PLRG1: variants seen among roughly 807,000 people sequenced by gnomAD.
PLRG1 encodes pleiotropic regulator 1, also known as pleiotropic regulator 1 (PRL1 homolog, Arabidopsis).
Under a neutral mutation model 74.9 loss-of-function variants are expected in PLRG1, and 28 were observed. That is an observed-to-expected ratio of 0.37 (90% CI 0.28 to 0.51). PLRG1 has a LOEUF of 0.51. PLRG1 is among the 20% of genes least tolerant of loss of function. The probability of loss-of-function intolerance (pLI) is 0.91; values close to 1 mark genes in which losing one functional copy is unlikely to be tolerated. For synonymous variants in PLRG1, 197 were observed against 212.4 expected (o/e 0.93, Z 0.63); for missense variants, 445 against 631.9 (o/e 0.70, Z 3.17).
intron 3 of PLRG1, chr4:154,547,359 T>A: frequency 7.7e-6 from 4 of 520,392 alleles, no homozygotes; most frequent in Non-Finnish European, 1.4e-5. Context: ...GAATTCTCTT[T>A]ACTTATTAAG....
rs1196967371 is a variant in PLRG1 at position 154,547,634 on chromosome 4, G to C, written c.259+77C>G. On this transcript the variant is annotated intron_variant, in intron 3 of 14. Transcript: ENST00000499023. ...ACCACAATAAGTCCTGCCAGGAGGGGCAAAAATAACATATTTTATTTTTCT... is the reference window on the plus strand; with the variant it reads ...ACCACAATAAGTCCTGCCAGGAGGGCCAAAAATAACATATTTTATTTTTCT... The C allele has an allele frequency of 5.9e-6, 8 of 1,351,764 alleles. No homozygotes were observed. In the Admixed American group the frequency reaches 1.4e-4, roughly 23 times the overall value. The allele number at this position is 1,351,764 out of a possible 1,614,324, so 83.7% of individuals were successfully genotyped here.
intron 6 of PLRG1, among the ~76,000 whole-genome samples, chr4:154,544,844 G>A (rs1023804689): frequency 6.6e-6 from 1 of 152,142 alleles, no homozygotes; most frequent in African/African-American, 2.4e-5. Context: ...TGTAAAATGG[G>A]AAGAATAGTG....
rs1227380248 is a variant in PLRG1, at chr4:154,535,828, T to A, written c.*857A>T. ...CCAAGTTTCAATACCAGTATTGGTA[T>A]CCTACTAGTTGAGGAATAAAATCCA... On this transcript the variant is annotated 3_prime_UTR_variant, in exon 15 of 15. Transcript: ENST00000499023. 6.6e-6 allele frequency: 1 copy of A among 152,116 alleles called. No individual in the cohort carries two copies. Among genetic ancestry groups the A allele is most frequent in the African/African-American group, 2.4e-5 (1 of 41,436 alleles). The allele number at this position is 152,116 out of a possible 1,614,324, so 9.4% of individuals were successfully genotyped here.
intron 8 of PLRG1, 41 bp from the exon 9 acceptor site, chr4:154,540,975 C>G (rs1729546098): frequency 6.8e-7 from 1 of 1,463,786 alleles, no homozygotes; most frequent in African/African-American, 1.4e-5. Flanking sequence ...TCACTGGTTA[C>G]TGCAAAACAA....
At chr4:154,542,686 G>A (rs1000320440) in intron 7 of PLRG1, among the ~76,000 whole-genome samples, 1 of 152,094 alleles carries the variant, frequency 6.6e-6, no homozygotes, top group African/African-American at 2.4e-5. Flanking sequence ...ACACACAATG[G>A]AATACTATTC....
Position 154,540,826 on chromosome 4 carries a change from C to T in PLRG1, c.796G>A (p.Glu266Lys). ...TRSPYLFSCG[E>K]DKQVKCWDLE... ...TCCCAGCATTTCACTTGTTTGTCTT[C>T]TCCACAAGAGAACAGATATGGGCTC... The change falls in exon 9 of 15, where the codon GAA becomes AAA. Residue 266 changes from glutamate to lysine, a missense_variant. Around this residue, in one of 3 missense-constraint regions of PLRG1, gnomAD observed 221 missense variants for 377.7 expected, o/e 0.59. Transcript: ENST00000499023. 1 of 1,613,730 alleles carries T rather than the reference C, an allele frequency of 6.2e-7. No homozygotes were observed. The highest frequency in any genetic ancestry group is 8.5e-7 in the Non-Finnish European group (1 of 1,179,676).
chr4:154,549,856 T>C (rs1729726700), intron 1 of PLRG1: 1 of 438,382 alleles, frequency 2.3e-6, no homozygotes, highest in Non-Finnish European at 4.6e-6. Context: ...CGTTGGCTGT[T>C]CATGCCAGGG....
Position 154,548,911 on chromosome 4 carries a change from T to C in PLRG1, c.34A>G (p.Thr12Ala). ...VEEVQKHSVH[T>A]LVFRSLKRTH... is the part of the protein sequence containing the mutation. ...CTCTTCAACGACCTGAACACAAGGGTGTGTACAGAATGTTTCTGTACCTCC... is the reference window on the plus strand; with the variant it reads ...CTCTTCAACGACCTGAACACAAGGGCGTGTACAGAATGTTTCTGTACCTCC... Residue 12 changes from threonine to alanine, a missense_variant, in exon 2 of 15, where the codon ACC becomes GCC. Transcript: ENST00000499023. The C allele has an allele frequency of 6.2e-7, 1 of 1,606,102 alleles. No individual in the cohort carries two copies. Among genetic ancestry groups the C allele is most frequent in the Non-Finnish European group, 8.5e-7 (1 of 1,172,860 alleles).
chr4:154,539,519 A>G (rs538472308), intron 11 of PLRG1, among the ~76,000 whole-genome samples: 1 of 152,080 alleles, frequency 6.6e-6, no homozygotes, highest in Non-Finnish European at 1.5e-5. Flanking sequence ...TTTTTAAGTT[A>G]ATAAAATACA....
Position 154,540,873 on chromosome 4 carries a change from C to T in PLRG1, c.749G>A (p.Arg250Gln), listed in dbSNP as rs776693518. ...GCTCCTTGTGCTTACTATCACGCCC[C>T]GCACAGTACTAATATGCCCAGTCAA... The part of the protein sequence containing the change: ...LSLTGHISTV[R>Q]GVIVSTRSPY... The change falls in exon 9 of 15, where the codon CGG (arginine) becomes CAG (glutamine). Residue 250 changes from arginine (R) to glutamine (Q), a missense_variant. Physicochemically the swap from Arg to Gln is conservative, Grantham distance 43 (BLOSUM62 1). This residue lies in a region of PLRG1 where 221 missense variants were observed against 377.7 expected (regional missense o/e 0.59). Transcript: ENST00000499023. 1.9e-6 allele frequency: 3 copies of T among 1,612,952 alleles called. No homozygotes were observed. The highest frequency in any genetic ancestry group is 2.5e-6 in the Non-Finnish European group (3 of 1,178,998).
intron 4 of PLRG1, 194 bp downstream of exon 4, chr4:154,546,817 A>C: frequency 1.7e-6 from 1 of 573,800 alleles, no homozygotes; most frequent in Non-Finnish European, 3.2e-6. Flanking sequence ...TTGCCTGAAA[A>C]ATTATACGTA....
At chr4:154,547,894 C>T (rs944150536) in intron 2 of PLRG1, 41 bp from the exon 3 acceptor site, 3 of 1,448,180 alleles carry the variant, frequency 2.1e-6, no homozygotes, top group East Asian at 2.3e-5. Context: ...TCCATAAATA[C>T]TTTAAAACAA....
chr4:154,537,237 C>T, intron 14 of PLRG1, 49 bp downstream of exon 14: 5 of 1,209,524 alleles, frequency 4.1e-6, no homozygotes, highest in Non-Finnish European at 5.9e-6. Context: ...AATATGCTGC[C>T]AAATTGGTAT....
intron 4 of PLRG1, among the ~76,000 whole-genome samples, 159 bp from the exon 5 acceptor site, chr4:154,546,372 A>G (rs755921470): frequency 2.0e-5 from 3 of 152,184 alleles, no homozygotes; most frequent in Non-Finnish European, 4.4e-5. Context: ...TTTGTTTTTA[A>G]TTTCTACAAT....
In PLRG1 at chr4:154,537,302, C is replaced by G; in HGVS notation, c.1469G>C (p.Arg490Thr). 1 of 1,611,872 alleles carries G rather than the reference C, an allele frequency of 6.2e-7. No individual in the cohort carries two copies. Among genetic ancestry groups the G allele is most frequent in the Non-Finnish European group, 8.5e-7 (1 of 1,178,452 alleles). ...AEADKTIKVY[R>T]EDDTATEETH... Reference sequence around the variant, plus strand: ...AGAACTTACGGCTGTGTCATCCTCTCTGTATACTTTAATGGTTTTATCAGC... The same window carrying G: ...AGAACTTACGGCTGTGTCATCCTCTGTGTATACTTTAATGGTTTTATCAGC... Residue 490 changes from arginine to threonine, a missense_variant, in exon 14 of 15, where the codon AGA (arginine) becomes ACA (threonine). Transcript: ENST00000499023.
chr4:154,545,962 C>T (rs1173374928), intron 5 of PLRG1, 39 bp from the exon 6 acceptor site: 5 of 1,349,944 alleles, frequency 3.7e-6, no homozygotes, highest in East Asian at 4.7e-5. Flanking sequence ...GTAATTAATG[C>T]CTCCAGTCAT....
chr4:154,547,575 T>C (rs1729681033), intron 3 of PLRG1, 136 bp downstream of exon 3: 2 of 738,544 alleles, frequency 2.7e-6, no homozygotes, highest in Admixed American at 2.7e-5. Context: ...AAAACTTCCA[T>C]TATAATACAG....
rs1000809974 is a variant in PLRG1 at position 154,535,019 on chromosome 4, CTTTAT to C, written c.*1661_*1665del. The C allele has an allele frequency of 5.3e-5, 8 of 151,948 alleles. No homozygotes were observed. The highest frequency in any genetic ancestry group is 2.1e-4 in the South Asian group (1 of 4,802). The allele number at this position is 151,948 out of a possible 1,614,324, so 9.4% of individuals were successfully genotyped here. ...GAATGCAAGTGTAGTGTTCTTTTTT[CTTTAT>C]TTAAGTTTACGAAATACATGCTTAT... On this transcript the variant is annotated 3_prime_UTR_variant, in exon 15 of 15. Coordinates refer to ENST00000499023, the MANE Select transcript of PLRG1 (RefSeq NM_002669.4).
chr4:154,543,700 A>G (rs1406477448), intron 7 of PLRG1, among the ~76,000 whole-genome samples: 2 of 152,242 alleles, frequency 1.3e-5, no homozygotes, highest in Middle Eastern at 3.2e-3. Context: ...ACCCAAATCA[A>G]TACATCTATT....
Sources: allele counts gnomAD v4.1 joint callset (sites outside exome capture counted in the v4.1 genomes callset), GRCh38; gene constraint gnomAD v4.1.1; regional missense constraint gnomAD v4.1.1; transcripts MANE v1.5; gene names NCBI Gene and HGNC (gene_info 2026-07-23, HGNC 2026-07-21).